Variants in F13A1 observed in about 807,000 individuals in gnomAD.
F13A1 encodes the protein coagulation factor XIII A chain, also known as FSF, A subunit.
Under a neutral mutation model 80.1 loss-of-function variants are expected in F13A1, and 47 were observed. The observed-to-expected ratio is 0.59, with a 90% CI of 0.46 to 0.75. The LOEUF (loss-of-function observed/expected upper bound fraction) is 0.75. Ranked by LOEUF, F13A1 falls within the 30% of genes least tolerant of loss-of-function variation. F13A1 has a pLI of 0.00. For missense variants in F13A1, 817 were observed against 930.4 expected (o/e 0.88, Z 1.59); for synonymous variants, 349 against 344.9 (o/e 1.01, Z -0.13).
chr6:6,307,237 T>C (rs762946004), intron 2 of F13A1, among the ~76,000 whole-genome samples: 6 of 152,138 alleles, frequency 3.9e-5, no homozygotes, highest in Non-Finnish European at 8.8e-5. Flanking sequence ...CTCCCCGGGT[T>C]ACCCTGACTG....
intron 5 of F13A1, among the ~76,000 whole-genome samples, chr6:6,249,793 G>A (rs1255850867): frequency 1.3e-5 from 2 of 152,182 alleles, no homozygotes; most frequent in East Asian, 1.9e-4. Context: ...GGGATGGCTT[G>A]AAACCAGGGA....
chr6:6,304,763 T>C (rs1297222854), intron 3 of F13A1, among the ~76,000 whole-genome samples: 1 of 149,974 alleles, frequency 6.7e-6, no homozygotes, highest in African/African-American at 2.5e-5. Flanking sequence ...CTCTGGAGGC[T>C]GAGGCACCAG....
intron 6 of F13A1, among the ~76,000 whole-genome samples, chr6:6,229,813 G>A (rs931839003): frequency 6.6e-6 from 1 of 152,206 alleles, no homozygotes; most frequent in Non-Finnish European, 1.5e-5. Flanking sequence ...CTCCTCTCCC[G>A]AACACAAACC....
At chr6:6,146,873 G>A (rs574038519) in intron 14 of F13A1, among the ~76,000 whole-genome samples, 3 of 152,250 alleles carry the variant, frequency 2.0e-5, no homozygotes, top group Admixed American at 1.3e-4. Flanking sequence ...ATTTATAGCA[G>A]CACAGTGTGC....
At chr6:6,244,177 T>C (rs897322143) in intron 6 of F13A1, among the ~76,000 whole-genome samples, 3 of 152,214 alleles carry the variant, frequency 2.0e-5, no homozygotes, top group African/African-American at 7.2e-5. Flanking sequence ...TAATGCCATG[T>C]GAGGGAAGTA....
At chr6:6,318,488 G>C (rs761171449) in intron 2 of F13A1, 47 bp downstream of exon 2, 1 of 1,581,316 alleles carries the variant, frequency 6.3e-7, no homozygotes, top group Admixed American at 1.9e-5. Context: ...GCCAGGGCCC[G>C]GCTGTGCCTG....
At chr6:6,172,835 G>A (rs892285614) in intron 12 of F13A1, among the ~76,000 whole-genome samples, 1 of 152,086 alleles carries the variant, frequency 6.6e-6, no homozygotes, top group South Asian at 2.1e-4. Context: ...CTTGGAATTA[G>A]GATTTTAAAA....
At chr6:6,300,874 T>A (rs1441114664) in intron 3 of F13A1, among the ~76,000 whole-genome samples, 2 of 152,202 alleles carry the variant, frequency 1.3e-5, no homozygotes, top group African/African-American at 4.8e-5. Context: ...GTAAATGATA[T>A]CTCAAATGTT....
At chr6:6,294,476 A>T (rs748170563) in intron 3 of F13A1, among the ~76,000 whole-genome samples, 1 of 151,972 alleles carries the variant, frequency 6.6e-6, no homozygotes, top group Non-Finnish European at 1.5e-5. Flanking sequence ...TGACCATATA[A>T]ATTAATACTT....
Position 6,206,628 on chromosome 6 carries a change from G to C in F13A1, c.1113-9302C>G, listed in dbSNP as rs537853790. On this transcript the variant is annotated intron_variant, in intron 8 of 14. Transcript: ENST00000264870. ...CTGAGAGGAACGGGAGGAGAGTGTA[G>C]GGCAGTGATTTCCAACCTTCAAAGA... 45 of 485,204 alleles carry C rather than the reference G, an allele frequency of 9.3e-5. 2 individuals are homozygous for C. The highest frequency in any genetic ancestry group is 7.9e-4 in the African/African-American group (40 of 50,924). 30.1% of individuals were successfully genotyped at this position (485,204 alleles called of 1,614,324 possible).
chr6:6,194,852 C>T (rs1015624411), intron 10 of F13A1, among the ~76,000 whole-genome samples: 1 of 152,156 alleles, frequency 6.6e-6, no homozygotes, highest in African/African-American at 2.4e-5. Flanking sequence ...TGCCTGGCTT[C>T]AAATCTTAGC....
chr6:6,167,393 T>C, intron 13 of F13A1, 65 bp downstream of exon 13: 1 of 1,505,880 alleles, frequency 6.6e-7, no homozygotes, highest in Non-Finnish European at 9.2e-7. Context: ...AGCACGCATA[T>C]GCACACATGA....
chr6:6,289,535 A>G (rs772705626), intron 3 of F13A1, among the ~76,000 whole-genome samples: 1 of 152,084 alleles, frequency 6.6e-6, no homozygotes, highest in Non-Finnish European at 1.5e-5. Flanking sequence ...AAATCATACA[A>G]ACTCATGCAG....
At chr6:6,291,040 T>C (rs1449533686) in intron 3 of F13A1, among the ~76,000 whole-genome samples, 1 of 151,614 alleles carries the variant, frequency 6.6e-6, no homozygotes, top group Non-Finnish European at 1.5e-5. Flanking sequence ...TCTTAAAGGA[T>C]ATGGATGATG....
chr6:6,276,244 T>C (rs1243244560), intron 3 of F13A1, among the ~76,000 whole-genome samples: 5 of 152,160 alleles, frequency 3.3e-5, no homozygotes, highest in Admixed American at 3.3e-4. Context: ...AAGAGAGGAT[T>C]GGAAGCAGGA....
chr6:6,233,288 T>A (rs1757375747), intron 6 of F13A1, among the ~76,000 whole-genome samples: 1 of 151,922 alleles, frequency 6.6e-6, no homozygotes. Context: ...ACCACTGAAA[T>A]ACAAAAGATC....
At chr6:6,187,050 C>T (rs1268754) in intron 10 of F13A1, among the ~76,000 whole-genome samples, 9 of 108,120 alleles carry the variant, frequency 8.3e-5, no homozygotes, top group South Asian at 3.5e-4. Flanking sequence ...TATAAGAATG[C>T]TTGTGATTTT....
chr6:6,153,408 C>T (rs902462000), intron 13 of F13A1, among the ~76,000 whole-genome samples: 5 of 152,010 alleles, frequency 3.3e-5, no homozygotes, highest in African/African-American at 1.2e-4. Context: ...TAAATATGTA[C>T]AATTATTATA....
intron 10 of F13A1, among the ~76,000 whole-genome samples, chr6:6,193,051 G>C (rs760868625): frequency 1.3e-5 from 2 of 152,144 alleles, no homozygotes; most frequent in Non-Finnish European, 2.9e-5. Context: ...GAGATAGGCA[G>C]ATGGGGCTTC....
Sources: gnomAD v4.1 joint callset for allele counts (sites outside exome capture counted in the v4.1 genomes callset) on GRCh38, gnomAD v4.1.1 for gene constraint, MANE v1.5 for transcripts, NCBI Gene and HGNC (gene_info 2026-07-23, HGNC 2026-07-21) for gene names.